Variants in CTNNBL1 observed in about 807,000 individuals in gnomAD.
The protein encoded by CTNNBL1 is catenin beta like 1, also known as beta-catenin-like protein 1.
A neutral mutation model predicts 72.7 loss-of-function variants in CTNNBL1; 31 were observed. The observed-to-expected ratio is 0.43, with a 90% CI of 0.32 to 0.58. The LOEUF (loss-of-function observed/expected upper bound fraction) is 0.58, where lower values mean the gene tolerates loss of function less well. Among genes scored for constraint, CTNNBL1 ranks in the 20% least tolerant of loss-of-function variants. CTNNBL1 has a pLI of 0.08. For missense variants in CTNNBL1, 534 were observed against 725.1 expected, an observed-to-expected ratio of 0.74 and a Z score of 3.03; for synonymous variants, 240 against 267.3, an observed-to-expected ratio of 0.90 and a Z score of 1.00.
intron 1 of CTNNBL1, among the ~76,000 whole-genome samples, chr20:37,706,371 CTG>C (rs779555777): frequency 2.6e-5 from 4 of 152,232 alleles, no homozygotes; most frequent in Admixed American, 6.5e-5. Context: ...TTCTCTTAAA[CTG>C]TGCTGCCAAT....
chr20:37,771,436 A>G (rs181242397), intron 7 of CTNNBL1, among the ~76,000 whole-genome samples: 8 of 152,322 alleles, frequency 5.3e-5, no homozygotes, highest in Non-Finnish European at 8.8e-5. Context: ...GCTATTACCC[A>G]TTCAGAAACT....
intron 10 of CTNNBL1, among the ~76,000 whole-genome samples, chr20:37,781,475 C>T (rs1032260785): frequency 6.6e-6 from 1 of 152,102 alleles, no homozygotes; most frequent in Non-Finnish European, 1.5e-5. Context: ...AAGGAGAGCT[C>T]CAAAAAACTT....
At chr20:37,805,450 G>A (rs1353477565) in intron 11 of CTNNBL1, among the ~76,000 whole-genome samples, 1 of 142,952 alleles carries the variant, frequency 7.0e-6, no homozygotes, top group Non-Finnish European at 1.5e-5. Context: ...AGGCTAGAGT[G>A]CAGTGATGCG....
intron 11 of CTNNBL1, among the ~76,000 whole-genome samples, chr20:37,820,138 A>G (rs1225093655): frequency 6.6e-6 from 1 of 151,822 alleles, no homozygotes; most frequent in Non-Finnish European, 1.5e-5. Context: ...CGGCCTCCCA[A>G]AGTGCTGGGA....
At chr20:37,764,938 T>C (rs990470210) in intron 5 of CTNNBL1, among the ~76,000 whole-genome samples, 20 of 152,170 alleles carry the variant, frequency 1.3e-4, no homozygotes, top group Non-Finnish European at 2.6e-4. Context: ...CCTTTTAACC[T>C]TGAATTTTAC....
At chr20:37,726,686 G>A (rs990659529) in intron 1 of CTNNBL1, among the ~76,000 whole-genome samples, 2 of 152,040 alleles carry the variant, frequency 1.3e-5, no homozygotes, top group Admixed American at 1.3e-4. Flanking sequence ...ATGTTTAGAA[G>A]GTTTCCTTTG....
rs555033054 is a variant in CTNNBL1 at position 37,730,763 on chromosome 20, G to C, written c.31-2116G>C. Reference sequence around the variant, plus strand: ...GGGCTGAGGCAGGAGGATTGCTGGAGCCCAGAAGTTCAGGTCCAGCCTAGG... The same window carrying C: ...GGGCTGAGGCAGGAGGATTGCTGGACCCCAGAAGTTCAGGTCCAGCCTAGG... On this transcript the variant is annotated intron_variant, in intron 1 of 15. Transcript: ENST00000361383. Among the ~76,000 whole-genome samples, 4 of 152,296 alleles carry C rather than the reference G, an allele frequency of 2.6e-5. No individual in the cohort carries two copies. In the East Asian group the frequency reaches 7.7e-4, roughly 29 times the overall value.
intron 1 of CTNNBL1, among the ~76,000 whole-genome samples, chr20:37,723,870 G>A (rs766056318): frequency 3.0e-4 from 45 of 152,146 alleles, no homozygotes; most frequent in Non-Finnish European, 5.1e-4. Flanking sequence ...AATTTGCAAG[G>A]GAGCCCTGAT....
chr20:37,737,019 C>T (rs1265661454), intron 2 of CTNNBL1, among the ~76,000 whole-genome samples: 30 of 152,000 alleles, frequency 2.0e-4, no homozygotes, highest in Admixed American at 2.0e-3. Context: ...GTCAGGAGAT[C>T]GAGACCATCC....
intron 4 of CTNNBL1, among the ~76,000 whole-genome samples, chr20:37,748,848 G>C (rs751211843): frequency 3.3e-5 from 5 of 152,202 alleles, no homozygotes; most frequent in African/African-American, 4.8e-5. Flanking sequence ...TTGGGGATAG[G>C]CTTCAACATA....
At chr20:37,863,415 C>A (rs915167776) in intron 15 of CTNNBL1, among the ~76,000 whole-genome samples, 1 of 152,168 alleles carries the variant, frequency 6.6e-6, no homozygotes, top group Non-Finnish European at 1.5e-5. Flanking sequence ...CTAATTAGAA[C>A]GTGCTAAGCA....
chr20:37,798,049 C>T (rs535223532), intron 10 of CTNNBL1, among the ~76,000 whole-genome samples: 8 of 152,240 alleles, frequency 5.3e-5, no homozygotes, highest in African/African-American at 9.6e-5. Context: ...ATACCTCCAC[C>T]GTAGGACTTA....
At chr20:37,835,291 A>AT (rs1163301433) in intron 11 of CTNNBL1, among the ~76,000 whole-genome samples, 1 of 152,222 alleles carries the variant, frequency 6.6e-6, no homozygotes, top group Non-Finnish European at 1.5e-5. Context: ...CTCAGTCTCC[A>AT]TAATTGCACA....
chr20:37,747,910 G>A (rs2073282458), intron 4 of CTNNBL1, among the ~76,000 whole-genome samples: 1 of 152,184 alleles, frequency 6.6e-6, no homozygotes, highest in Non-Finnish European at 1.5e-5. Flanking sequence ...TACATAGTAG[G>A]TACTTGGTAA....
At chr20:37,799,707 T>C (rs369440494) in intron 10 of CTNNBL1, among the ~76,000 whole-genome samples, 41 of 152,242 alleles carry the variant, frequency 2.7e-4, no homozygotes, top group African/African-American at 9.4e-4. Context: ...GCATAATGTC[T>C]GCTGCATAAA....
intron 1 of CTNNBL1, among the ~76,000 whole-genome samples, chr20:37,696,083 C>T (rs1600425756): frequency 6.6e-6 from 1 of 152,306 alleles, no homozygotes; most frequent in East Asian, 1.9e-4. Flanking sequence ...CCCATTAAAG[C>T]TAGAAGAGTT....
intron 1 of CTNNBL1, among the ~76,000 whole-genome samples, chr20:37,709,578 TG>T (rs2072919955): frequency 6.6e-6 from 1 of 152,162 alleles, no homozygotes; most frequent in Non-Finnish European, 1.5e-5. Context: ...GGATTAATGA[TG>T]GGGGAAACTT....
At chr20:37,784,446 T>G (rs189916261) in intron 10 of CTNNBL1, among the ~76,000 whole-genome samples, 27 of 152,348 alleles carry the variant, frequency 1.8e-4, no homozygotes, top group Middle Eastern at 3.4e-3. Context: ...AAGGTGATTT[T>G]CTCATATGGT....
At chr20:37,764,114 G>A (rs147242383) in intron 5 of CTNNBL1, among the ~76,000 whole-genome samples, 196 of 152,254 alleles carry the variant, frequency 1.3e-3, no homozygotes, top group Middle Eastern at 3.4e-3. Flanking sequence ...GAGCTGCCAT[G>A]AACTAGACCT....
Sources: allele counts gnomAD v4.1 joint callset (sites outside exome capture counted in the v4.1 genomes callset), GRCh38; gene constraint gnomAD v4.1.1; transcripts MANE v1.5; gene names NCBI Gene and HGNC (gene_info 2026-07-23, HGNC 2026-07-21).